Variants in DCAKD observed in about 807,000 individuals in gnomAD.
DCAKD encodes dephospho-CoA kinase domain containing, also known as dephospho-CoA kinase domain-containing protein.
DCAKD carries 15 observed loss-of-function variants against 18.7 expected under a neutral mutation model. The ratio of observed to expected loss-of-function variants is 0.80; its 90% CI spans 0.54 to 1.24. The LOEUF (loss-of-function observed/expected upper bound fraction) is 1.24. Ranked by LOEUF, DCAKD falls within the 50% of genes most tolerant of loss-of-function variation. The pLI, the probability that DCAKD is intolerant of heterozygous loss-of-function variation, is 0.00. For synonymous variants in DCAKD, 130 were observed against 133.0 expected, an observed-to-expected ratio of 0.98 and a Z score of 0.16; for missense variants, 301 against 322.0, an observed-to-expected ratio of 0.93 and a Z score of 0.50.
chr17:45,052,705 AAAC>A (rs1162091473), upstream of DCAKD, among the ~76,000 whole-genome samples: 1 of 151,762 alleles, frequency 6.6e-6, no homozygotes, highest in Non-Finnish European at 1.5e-5. Context: ...CAAAAAAAAA[AAAC>A]AAAAAACAAA....
At chr17:45,059,359 T>C (rs2053823739) in intron 1 of DCAKD, among the ~76,000 whole-genome samples, 1 of 152,192 alleles carries the variant, frequency 6.6e-6, no homozygotes. Flanking sequence ...ATTCTTCCCA[T>C]GTTGAGATCT....
chr17:45,040,035 G>A (rs2053393510), intron 1 of DCAKD, among the ~76,000 whole-genome samples: 1 of 151,900 alleles, frequency 6.6e-6, no homozygotes, highest in Non-Finnish European at 1.5e-5. Context: ...GGAGGTTGCA[G>A]TGAGCAGAGA....
At chr17:45,025,236 C>G (rs985322027) in intron 4 of DCAKD, among the ~76,000 whole-genome samples, 1 of 152,074 alleles carries the variant, frequency 6.6e-6, no homozygotes, top group African/African-American at 2.4e-5. Flanking sequence ...TGGGCCATCA[C>G]AGAGACCCCC....
At chr17:45,036,946 C>A (rs1438217414) in intron 1 of DCAKD, among the ~76,000 whole-genome samples, 1 of 152,160 alleles carries the variant, frequency 6.6e-6, no homozygotes, top group Non-Finnish European at 1.5e-5. Flanking sequence ...TGAGCTTACA[C>A]TGAAATGAGT....
At chr17:45,033,289 C>T (rs1016871720) in intron 3 of DCAKD, among the ~76,000 whole-genome samples, 1 of 152,194 alleles carries the variant, frequency 6.6e-6, no homozygotes, top group African/African-American at 2.4e-5. Context: ...ATTTCAAATA[C>T]TCCCCTTCCC....
intron 1 of DCAKD, among the ~76,000 whole-genome samples, chr17:45,044,327 C>A (rs1290785404): frequency 2.0e-5 from 3 of 152,160 alleles, no homozygotes; most frequent in Non-Finnish European, 4.4e-5. Context: ...ATCGTCCCCC[C>A]ATCAGAGACT....
upstream of DCAKD, among the ~76,000 whole-genome samples, chr17:45,052,557 C>T (rs2053728970): frequency 6.6e-6 from 1 of 152,088 alleles, no homozygotes; most frequent in South Asian, 2.1e-4. Context: ...TAATCGCAGC[C>T]GTGCAGCGTT....
chr17:45,034,064 A>G, intron 3 of DCAKD, 123 bp downstream of exon 3: 1 of 1,598,878 alleles, frequency 6.3e-7, no homozygotes. Context: ...GGATGCCAGT[A>G]AGCAGTATGA....
upstream of DCAKD, among the ~76,000 whole-genome samples, chr17:45,054,486 G>A (rs147090547): frequency 2.1e-4 from 32 of 152,188 alleles, no homozygotes; most frequent in East Asian, 6.2e-3. Context: ...AACCTCAGGC[G>A]ATCTGCCTGC....
intron 1 of DCAKD, among the ~76,000 whole-genome samples, chr17:45,058,263 C>T (rs138496164): frequency 0.046 from 6,959 of 152,018 alleles, 518 homozygotes; most frequent in African/African-American, 0.16. Context: ...TGCAGCAAGC[C>T]GAGATTGCGC....
chr17:45,057,791 ACC>A (rs2053800275), intron 1 of DCAKD, among the ~76,000 whole-genome samples: 1 of 148,322 alleles, frequency 6.7e-6, no homozygotes, highest in Admixed American at 6.8e-5. Context: ...TGGGCGGATC[ACC>A]TGAGGTCAGG....
upstream of DCAKD, among the ~76,000 whole-genome samples, chr17:45,052,253 C>G (rs1024034116): frequency 3.3e-5 from 5 of 152,140 alleles, no homozygotes; most frequent in African/African-American, 1.2e-4. Flanking sequence ...ACTGCAGGGT[C>G]CTAACTTCGG....
intron 1 of DCAKD, among the ~76,000 whole-genome samples, chr17:45,058,008 CAAAAAAAAAAAAA>C (rs1183133616): frequency 3.4e-5 from 1 of 28,992 alleles, no homozygotes; most frequent in Non-Finnish European, 7.1e-5. Context: ...GATTCCGTCT[CAAAAAAAAAAAAA>C]AAAAAAAAAA....
At chr17:45,058,904 C>T (rs1256990759) in intron 1 of DCAKD, among the ~76,000 whole-genome samples, 1 of 152,134 alleles carries the variant, frequency 6.6e-6, no homozygotes, top group African/African-American at 2.4e-5. Context: ...TTATCTGCTG[C>T]TTTGGATCAT....
At chr17:45,035,030 G>C in intron 1 of DCAKD, 31 bp from the exon 2 acceptor site, 4 of 736,732 alleles carry the variant, frequency 5.4e-6, no homozygotes, top group South Asian at 1.8e-5. Context: ...GGACTGATCA[G>C]TTTGGGCCAA....
intron 1 of DCAKD, among the ~76,000 whole-genome samples, chr17:45,045,731 C>CAA (rs759264562): frequency 1.6e-4 from 11 of 70,642 alleles, no homozygotes; most frequent in South Asian, 5.0e-4. Context: ...GACTCTGTCT[C>CAA]AAAAAAAAAA....
chr17:45,036,452 G>T (rs888885611), intron 1 of DCAKD, among the ~76,000 whole-genome samples: 8 of 152,148 alleles, frequency 5.3e-5, no homozygotes, highest in African/African-American at 1.9e-4. Flanking sequence ...GGAGGCGGAG[G>T]TTGCAGTGAG....
exon 1 of DCAKD, chr17:45,061,097 A>G (rs559039818): frequency 7.6e-7 from 1 of 1,317,012 alleles, no homozygotes; most frequent in East Asian, 3.2e-5. Context: ...CTTTCCTCAA[A>G]GCGTGGCCGA....
At chr17:45,053,941 A>G (rs971256750), upstream of DCAKD, among the ~76,000 whole-genome samples, 1 of 152,074 alleles carries the variant, frequency 6.6e-6, no homozygotes, top group African/African-American at 2.4e-5. Context: ...TACTTCCTTT[A>G]AGGTAGGAAT....
Sources: allele counts gnomAD v4.1 joint callset (sites outside exome capture counted in the v4.1 genomes callset), GRCh38; gene constraint gnomAD v4.1.1; transcripts MANE v1.5; gene names NCBI Gene and HGNC (gene_info 2026-07-23, HGNC 2026-07-21).